The following WWOX variants were observed in gnomAD, a reference collection of about 807,000 sequenced individuals.
WWOX encodes WW domain containing oxidoreductase.
A neutral mutation model predicts 46.2 loss-of-function variants in WWOX; 69 were observed. That is an observed-to-expected ratio of 1.49 (90% confidence interval 1.23 to 1.82). WWOX has a LOEUF of 1.82. WWOX is among the 40% of genes most tolerant of loss of function. WWOX has a pLI of 0.00. For missense variants in WWOX, 919 were observed against 542.6 expected, an observed-to-expected ratio of 1.69 and a Z score of -6.89; for synonymous variants, 359 against 202.6, an observed-to-expected ratio of 1.77 and a Z score of -6.56.
At position 78,154,689 on chromosome 16, in the gene WWOX, G is replaced by A. The variant is rs1168821972; in HGVS notation, c.410-9494G>A. On this transcript the variant is annotated intron_variant, in intron 4 of 8. Coordinates refer to ENST00000566780, the MANE Select transcript of WWOX (RefSeq NM_016373.4). ...GCTACCCTTGTGCTTCTCTGTCCAC[G>A]CAAAGCCAAGTGCTACTGCGGGGTT... Among the ~76,000 whole-genome samples the A allele has an allele frequency of 3.9e-5, 6 of 152,050 alleles. No homozygotes were observed. The South Asian group carries it at 1.3e-3, about 32-fold the overall frequency.
At chr16:78,973,133 G>A (rs2046504464) in intron 8 of WWOX, among the ~76,000 whole-genome samples, 1 of 152,194 alleles carries the variant, frequency 6.6e-6, no homozygotes, top group South Asian at 2.1e-4. Context: ...TCCCGTATAA[G>A]GTGGGGTTGC....
chr16:78,383,464 C>G (rs1363886648), intron 5 of WWOX, among the ~76,000 whole-genome samples: 2 of 152,112 alleles, frequency 1.3e-5, no homozygotes, highest in African/African-American at 2.4e-5. Flanking sequence ...GATTCACTGC[C>G]AGACCTGGGA....
At chr16:78,807,612 A>G (rs935817296) in intron 8 of WWOX, among the ~76,000 whole-genome samples, 4 of 152,242 alleles carry the variant, frequency 2.6e-5, no homozygotes, top group African/African-American at 9.6e-5. Flanking sequence ...AATTTCATCT[A>G]GGAGCATTTT....
At chr16:78,358,726 AATATACAAATGAGTTGAAT>A (rs2081348504) in intron 5 of WWOX, among the ~76,000 whole-genome samples, 1 of 152,008 alleles carries the variant, frequency 6.6e-6, no homozygotes, top group African/African-American at 2.4e-5. Flanking sequence ...AATGAGGGAA[AATATACAAATGAGTTGAAT>A]ATATACAAAT....
chr16:79,018,325 C>T (rs970686241), intron 8 of WWOX, among the ~76,000 whole-genome samples: 1 of 152,162 alleles, frequency 6.6e-6, no homozygotes, highest in Non-Finnish European at 1.5e-5. Context: ...TAAATACCTA[C>T]TCATGCTTTG....
At chr16:78,817,869 G>C (rs2051381002) in intron 8 of WWOX, among the ~76,000 whole-genome samples, 1 of 152,152 alleles carries the variant, frequency 6.6e-6, no homozygotes. Flanking sequence ...ATTGTCATAG[G>C]TCATTTTCTT....
chr16:78,325,922 G>C (rs1045287354), intron 5 of WWOX, among the ~76,000 whole-genome samples: 3 of 152,240 alleles, frequency 2.0e-5, no homozygotes, highest in Non-Finnish European at 4.4e-5. Context: ...GATGCCCACT[G>C]TGGATCCTGT....
intron 8 of WWOX, among the ~76,000 whole-genome samples, chr16:78,821,246 A>G (rs1186508004): frequency 6.6e-6 from 1 of 152,102 alleles, no homozygotes; most frequent in African/African-American, 2.4e-5. Context: ...TTACCTGAAG[A>G]GCAGAAGGAT....
chr16:79,203,023 C>T (rs1170384468), intron 8 of WWOX: 1 of 152,180 alleles, frequency 6.6e-6, no homozygotes, highest in Non-Finnish European at 1.5e-5. Flanking sequence ...GCATCAAGTG[C>T]TTTAAAATGC....
At chr16:78,653,302 A>C (rs2047006301) in intron 8 of WWOX, among the ~76,000 whole-genome samples, 2 of 152,210 alleles carry the variant, frequency 1.3e-5, no homozygotes, top group Non-Finnish European at 2.9e-5. Flanking sequence ...TAATTTGGAC[A>C]CTATTTTAAA....
chr16:79,017,884 A>T (rs1438942217), intron 8 of WWOX, among the ~76,000 whole-genome samples: 3 of 152,208 alleles, frequency 2.0e-5, no homozygotes, highest in Non-Finnish European at 4.4e-5. Context: ...TAGTTTGCTG[A>T]CATCCAGGCT....
chr16:78,988,004 A>C (rs760131120), intron 8 of WWOX, among the ~76,000 whole-genome samples: 4 of 151,934 alleles, frequency 2.6e-5, no homozygotes, highest in African/African-American at 9.7e-5. Flanking sequence ...CAAAGGGGCT[A>C]TTTTATAAAG....
At chr16:79,100,048 T>C (rs1285241625) in intron 8 of WWOX, among the ~76,000 whole-genome samples, 3 of 152,188 alleles carry the variant, frequency 2.0e-5, no homozygotes, top group Non-Finnish European at 2.9e-5. Flanking sequence ...TTCCAAATGA[T>C]TGACTCCGTC....
intron 8 of WWOX, among the ~76,000 whole-genome samples, chr16:78,584,208 A>C (rs1385646296): frequency 6.6e-6 from 1 of 152,228 alleles, no homozygotes; most frequent in Admixed American, 6.5e-5. Flanking sequence ...TGTCATCACC[A>C]TCACCATAGC....
intron 8 of WWOX, among the ~76,000 whole-genome samples, chr16:79,208,801 T>A (rs747104396): frequency 6.6e-6 from 1 of 152,188 alleles, no homozygotes; most frequent in Non-Finnish European, 1.5e-5. Flanking sequence ...CATCTGATCA[T>A]ATTAAGATGT....
chr16:78,337,168 C>T (rs35991877), intron 5 of WWOX, among the ~76,000 whole-genome samples: 30,396 of 152,050 alleles, frequency 0.2, 3,583 homozygotes, highest in East Asian at 0.45. Context: ...TGGTAGGTAG[C>T]CAGTTTATAA....
At chr16:78,771,429 T>G (rs1239651072) in intron 8 of WWOX, among the ~76,000 whole-genome samples, 1 of 152,188 alleles carries the variant, frequency 6.6e-6, no homozygotes, top group Admixed American at 6.5e-5. Flanking sequence ...AAGTGATGGT[T>G]GTTCAACATC....
At chr16:79,097,615 G>A (rs904857955) in intron 8 of WWOX, among the ~76,000 whole-genome samples, 7 of 152,168 alleles carry the variant, frequency 4.6e-5, no homozygotes, top group Non-Finnish European at 7.3e-5. Flanking sequence ...TTCTGAGAAT[G>A]ACGACATTCA....
chr16:78,980,115 G>A (rs781121498), intron 8 of WWOX, among the ~76,000 whole-genome samples: 3 of 152,152 alleles, frequency 2.0e-5, no homozygotes, highest in African/African-American at 4.8e-5. Flanking sequence ...GCAACAGAGC[G>A]AGACTCCATC....
Sources: gnomAD v4.1 joint callset for allele counts (sites outside exome capture counted in the v4.1 genomes callset) on GRCh38, gnomAD v4.1.1 for gene constraint, MANE v1.5 for transcripts, NCBI Gene and HGNC (gene_info 2026-07-23, HGNC 2026-07-21) for gene names.